FBXO36: variants seen among roughly 807,000 people sequenced by gnomAD.
FBXO36 encodes F-box only protein 36.
A neutral mutation model predicts 17.0 loss-of-function variants in FBXO36; 18 were observed. The ratio of observed to expected loss-of-function variants is 1.06; its 90% CI spans 0.73 to 1.57. The LOEUF (loss-of-function observed/expected upper bound fraction) is 1.57. Among genes scored for constraint, FBXO36 ranks in the 40% most tolerant of loss-of-function variants. FBXO36 has a pLI of 0.00. For synonymous variants in FBXO36, 83 were observed against 85.3 expected (o/e 0.97, Z 0.15); for missense variants, 229 against 221.9 (o/e 1.03, Z -0.20).
chr2:229,969,460 G>A (rs1306935365), intron 1 of FBXO36, among the ~76,000 whole-genome samples: 2 of 151,722 alleles, frequency 1.3e-5, no homozygotes, highest in Non-Finnish European at 2.9e-5. Context: ...AGGCTGAGGC[G>A]GGTGGATCAC....
intron 1 of FBXO36, among the ~76,000 whole-genome samples, chr2:229,952,883 G>A (rs1577337829): frequency 1.3e-5 from 2 of 152,138 alleles, no homozygotes; most frequent in African/African-American, 4.8e-5. Flanking sequence ...AGAACTCCCC[G>A]CTATTCCTGA....
chr2:229,938,964 GGTTGT>G lies in FBXO36; in HGVS notation c.96+16357_96+16361del, dbSNP rs374688612. Among the ~76,000 whole-genome samples, 245 of 151,712 alleles carry G rather than the reference GGTTGT, an allele frequency of 1.6e-3. 1 individual carries two copies. Among genetic ancestry groups the G allele is most frequent in the Middle Eastern group, 0.011 (3 of 284 alleles). ...ATTTTTGTATTTTTTGTAGAGATGG[GGTTGT>G]GGAGATGGCTCGAGCCACCGCGCCC... On this transcript the variant is annotated intron_variant, in intron 1 of 3. Coordinates refer to ENST00000283946, the MANE Select transcript of FBXO36 (RefSeq NM_174899.5).
At position 230,003,209 on chromosome 2, in the gene FBXO36, TAA is replaced by T. The variant is rs397872634; in HGVS notation, c.378+6308_378+6309del. The stretch of plus-strand genomic sequence containing the variant: ...CAGGCTACAGAGCAAGACTCCGTCT[TAA>T]AAAAAAAAAAAAAAAAAAAAAGTTC... On this transcript the variant is annotated intron_variant, in intron 3 of 3. Transcript: ENST00000283946. 7.3e-3 allele frequency among the ~76,000 whole-genome samples: 767 copies of T among 104,580 alleles called. 9 individuals are homozygous for T. Among genetic ancestry groups the T allele is most frequent in the African/African-American group, 0.021 (556 of 26,636 alleles). 68.6% of individuals were successfully genotyped at this position (104,580 alleles called of 152,430 possible). A position where few individuals can be genotyped will look rare whatever the true frequency, so the allele number is the denominator to read the frequency against.
intron 1 of FBXO36, among the ~76,000 whole-genome samples, chr2:229,958,414 G>A (rs888897935): frequency 7.2e-5 from 11 of 151,824 alleles, no homozygotes; most frequent in African/African-American, 2.7e-4. Flanking sequence ...GGGACTACAG[G>A]CGCCCGCCAC....
At position 229,926,578 on chromosome 2, in the gene FBXO36, T is replaced by G. The variant is rs148427279; in HGVS notation, c.96+3969T>G. Among the ~76,000 whole-genome samples the G allele has an allele frequency of 2.0e-3, 298 of 150,956 alleles. 1 individual carries two copies. The highest frequency in any genetic ancestry group is 6.9e-3 in the African/African-American group (284 of 41,118). On this transcript the variant is annotated intron_variant, in intron 1 of 3. Coordinates refer to ENST00000283946, the MANE Select transcript of FBXO36 (RefSeq NM_174899.5). The stretch of plus-strand genomic sequence containing the variant: ...GGCCAACATGGTAAAACCCTGTCTC[T>G]ACTAAAAATAAAAAAATTAGCTGGG...
At chr2:229,943,433 C>T (rs1322616661) in intron 1 of FBXO36, among the ~76,000 whole-genome samples, 2 of 152,160 alleles carry the variant, frequency 1.3e-5, no homozygotes, top group Admixed American at 6.6e-5. Flanking sequence ...CTCAAGTCAG[C>T]CCTTGAAATG....
rs556574792 is a variant in FBXO36, at chr2:229,975,580, T to TC, written c.97-659dup. On this transcript the variant is annotated intron_variant, in intron 1 of 3. Transcript: ENST00000283946. The stretch of plus-strand genomic sequence containing the variant: ...GCCTCAACCTCACGGGCTCAGGGGA[T>TC]CCTCCCACCTCAGCCTCACAAGTAG... Among the ~76,000 whole-genome samples the TC allele has an allele frequency of 1.1e-4, 16 of 150,530 alleles. No individual in the cohort carries two copies. The South Asian group carries it at 3.4e-3, about 32-fold the overall frequency.
intron 3 of FBXO36, among the ~76,000 whole-genome samples, chr2:230,005,479 A>G (rs2077382307): frequency 6.6e-6 from 1 of 152,180 alleles, no homozygotes; most frequent in African/African-American, 2.4e-5. Context: ...TACAATTTGC[A>G]TTGCATGTTT....
intron 1 of FBXO36, among the ~76,000 whole-genome samples, chr2:229,961,637 G>A (rs2077121992): frequency 6.6e-6 from 1 of 152,124 alleles, no homozygotes; most frequent in Admixed American, 6.6e-5. Flanking sequence ...GCCTCCCAAA[G>A]TGCTGAGGTT....
chr2:229,978,612 T>C (rs560352060), intron 2 of FBXO36, among the ~76,000 whole-genome samples: 2 of 152,078 alleles, frequency 1.3e-5, no homozygotes, highest in South Asian at 4.1e-4. Context: ...ATAATAATAG[T>C]AATATTTTAA....
chr2:229,966,140 C>G (rs2077151364), intron 1 of FBXO36, among the ~76,000 whole-genome samples: 1 of 152,194 alleles, frequency 6.6e-6, no homozygotes, highest in Admixed American at 6.5e-5. Flanking sequence ...TGATGATGAG[C>G]ATTTTTTCCT....
intron 3 of FBXO36, among the ~76,000 whole-genome samples, chr2:230,001,682 C>A (rs1480641517): frequency 6.6e-6 from 1 of 152,138 alleles, no homozygotes; most frequent in Non-Finnish European, 1.5e-5. Flanking sequence ...TATTTGTGTC[C>A]AGTCCAGCTC....
chr2:229,989,119 G>T (rs1044734927), intron 2 of FBXO36, among the ~76,000 whole-genome samples: 1 of 151,886 alleles, frequency 6.6e-6, no homozygotes, highest in Non-Finnish European at 1.5e-5. Flanking sequence ...TTGAGTTAAT[G>T]GTTTCTGGTA....
chr2:229,981,738 GA>G (rs1162339884), intron 2 of FBXO36, among the ~76,000 whole-genome samples: 19 of 146,568 alleles, frequency 1.3e-4, no homozygotes, highest in Non-Finnish European at 2.1e-4. Context: ...AAAAGGAAAA[GA>G]AAAAAAAAAT....
intron 3 of FBXO36, among the ~76,000 whole-genome samples, chr2:230,008,109 GGGA>G (rs1479527391): frequency 6.6e-6 from 1 of 152,150 alleles, no homozygotes; most frequent in Non-Finnish European, 1.5e-5. Flanking sequence ...GGAAGCTTGC[GGGA>G]GGAGATCTCC....
intron 3 of FBXO36, among the ~76,000 whole-genome samples, chr2:230,001,934 C>T (rs2077361400): frequency 6.6e-6 from 1 of 152,196 alleles, no homozygotes; most frequent in Non-Finnish European, 1.5e-5. Flanking sequence ...TCTCATGCGT[C>T]AGCCTCCTGA....
At chr2:229,993,529 T>C (rs2106207941) in intron 2 of FBXO36, among the ~76,000 whole-genome samples, 1 of 152,320 alleles carries the variant, frequency 6.6e-6, no homozygotes, top group East Asian at 1.9e-4. Context: ...AGATAGTCAC[T>C]GAAACTGTCT....
chr2:229,943,294 T>C (rs912148624), intron 1 of FBXO36: 3 of 152,228 alleles, frequency 2.0e-5, no homozygotes, highest in Non-Finnish European at 4.4e-5. Flanking sequence ...TTTGCTCAAA[T>C]CAGGTTAAGA....
chr2:229,972,293 C>T (rs546121250), intron 1 of FBXO36, among the ~76,000 whole-genome samples: 17 of 152,188 alleles, frequency 1.1e-4, no homozygotes, highest in Admixed American at 3.3e-4. Context: ...CCACCGTGCC[C>T]GGCCTACCAA....
Sources: gnomAD v4.1 joint callset for allele counts (sites outside exome capture counted in the v4.1 genomes callset) on GRCh38, gnomAD v4.1.1 for gene constraint, MANE v1.5 for transcripts, NCBI Gene and HGNC (gene_info 2026-07-23, HGNC 2026-07-21) for gene names.